The following KCNN2 variants were observed in gnomAD, a reference collection of about 807,000 sequenced individuals.
The protein encoded by KCNN2 is small conductance calcium-activated potassium channel protein 2.
In KCNN2, 24 loss-of-function variants were observed where a neutral mutation model predicts 55.5. The ratio of observed to expected loss-of-function variants is 0.43; its 90% CI spans 0.31 to 0.61. The LOEUF is 0.61. Among genes scored for constraint, KCNN2 ranks in the 20% least tolerant of loss-of-function variants. The pLI is 0.08. For synonymous variants in KCNN2, 431 were observed against 336.1 expected, an observed-to-expected ratio of 1.28 and a Z score of -3.09; for missense variants, 754 against 853.6, an observed-to-expected ratio of 0.88 and a Z score of 1.45.
intron 1 of KCNN2, among the ~76,000 whole-genome samples, chr5:114,195,381 T>G (rs1402924627): frequency 6.6e-6 from 1 of 152,034 alleles, no homozygotes; most frequent in African/African-American, 2.4e-5. Context: ...TATTTGTAGT[T>G]TTAAGGCTGT....
At chr5:114,167,874 G>T (rs1752948875) in intron 1 of KCNN2, among the ~76,000 whole-genome samples, 1 of 152,070 alleles carries the variant, frequency 6.6e-6, no homozygotes, top group Non-Finnish European at 1.5e-5. Context: ...TGTCACTACA[G>T]ATCAATGTGT....
At chr5:114,489,635 T>G (rs747074759) in intron 6 of KCNN2, among the ~76,000 whole-genome samples, 5 of 152,194 alleles carry the variant, frequency 3.3e-5, no homozygotes, top group Admixed American at 6.5e-5. Flanking sequence ...TCTAAAAGTG[T>G]AACTGAGTAC....
At chr5:114,204,743 T>C (rs1753736687) in intron 1 of KCNN2, among the ~76,000 whole-genome samples, 2 of 152,180 alleles carry the variant, frequency 1.3e-5, no homozygotes, top group African/African-American at 2.4e-5. Flanking sequence ...AAAGCCCATG[T>C]GGCTTTGTGG....
chr5:114,438,525 A>G (rs1760093470), intron 3 of KCNN2, among the ~76,000 whole-genome samples: 1 of 152,218 alleles, frequency 6.6e-6, no homozygotes. Context: ...CCTCACTTAA[A>G]ATAATTTATC....
chr5:114,080,681 C>T (rs1750794798), intron 1 of KCNN2, among the ~76,000 whole-genome samples: 1 of 152,116 alleles, frequency 6.6e-6, no homozygotes, highest in African/African-American at 2.4e-5. Flanking sequence ...TAGGAACTAT[C>T]TCAACATAAT....
intron 1 of KCNN2, among the ~76,000 whole-genome samples, chr5:114,163,784 G>A (rs1752848772): frequency 6.6e-6 from 1 of 152,178 alleles, no homozygotes; most frequent in Non-Finnish European, 1.5e-5. Context: ...AAGGTCAAAT[G>A]TGAAGAGGCA....
In KCNN2 at chr5:114,466,005, A is replaced by T. The variant is rs544561558; in HGVS notation, c.1779+2815A>T. Reference sequence around the variant, plus strand: ...CATCAGCTCCTTAGGGATCAAGAGCATATGGATGAAAGTGACCTAGACACT... The same window carrying T: ...CATCAGCTCCTTAGGGATCAAGAGCTTATGGATGAAAGTGACCTAGACACT... On this transcript the variant is annotated intron_variant, in intron 4 of 7. Coordinates refer to ENST00000673685, the MANE Select transcript of KCNN2 (RefSeq NM_021614.4). Among the ~76,000 whole-genome samples, 4 of 152,326 alleles carry T rather than the reference A, an allele frequency of 2.6e-5. No homozygotes were observed. The South Asian group carries it at 8.3e-4, about 32-fold the overall frequency.
intron 6 of KCNN2, 40 bp from the exon 7 acceptor site, chr5:114,493,363 G>C: frequency 7.9e-7 from 1 of 1,262,050 alleles, no homozygotes; most frequent in Non-Finnish European, 1.2e-6. Context: ...ATTGCCATAG[G>C]AAGAAGGGAA....
At chr5:114,483,487 G>A (rs964366308) in intron 5 of KCNN2, among the ~76,000 whole-genome samples, 2 of 151,776 alleles carry the variant, frequency 1.3e-5, no homozygotes, top group South Asian at 2.1e-4. Flanking sequence ...TGTTGGCCAC[G>A]CTGGTCAAAA....
intron 2 of KCNN2, among the ~76,000 whole-genome samples, chr5:114,396,241 T>C (rs954027852): frequency 8.5e-5 from 13 of 152,168 alleles, no homozygotes; most frequent in Non-Finnish European, 1.8e-4. Context: ...GTTGTTTAGA[T>C]GGTAGTCAGT....
chr5:114,435,793 A>G (rs1227941692), intron 3 of KCNN2, among the ~76,000 whole-genome samples: 2 of 152,196 alleles, frequency 1.3e-5, no homozygotes, highest in Non-Finnish European at 2.9e-5. Flanking sequence ...TTTTAATTTT[A>G]TGTTTTTACA....
chr5:114,121,746 G>A (rs1378943828), intron 1 of KCNN2, among the ~76,000 whole-genome samples: 2 of 152,154 alleles, frequency 1.3e-5, no homozygotes, highest in African/African-American at 4.8e-5. Flanking sequence ...GATCGATGTG[G>A]TGACATCATA....
At chr5:114,373,662 T>TATATATATATATATATATATATATATA (rs1757842046) in intron 2 of KCNN2, among the ~76,000 whole-genome samples, 1 of 51,000 alleles carries the variant, frequency 2.0e-5, no homozygotes, top group Non-Finnish European at 4.3e-5. Flanking sequence ...ATATATAAAA[T>TATATATATATATATATATATATATATA]TACTTGGAAC....
intron 1 of KCNN2, among the ~76,000 whole-genome samples, chr5:114,153,485 C>T (rs1053740068): frequency 6.6e-6 from 1 of 151,928 alleles, no homozygotes. Flanking sequence ...CCTCCCTGGT[C>T]AGAGACAAAA....
rs528523761 is a variant in KCNN2 at position 114,229,018 on chromosome 5, C to G, written c.-185+7453C>G. 5.3e-3 allele frequency among the ~76,000 whole-genome samples: 808 copies of G among 151,870 alleles called. 8 individuals carry two copies. The highest frequency in any genetic ancestry group is 0.019 in the African/African-American group (769 of 41,504). ...TTCAAAGAGAAATTAACTTAATTTG[C>G]TTATTTAAATAATTGTGTTGATTAA... On this transcript the variant is annotated intron_variant, in intron 2 of 10. Transcript: ENST00000512097.
chr5:114,343,414 T>C (rs10478166), intron 2 of KCNN2, among the ~76,000 whole-genome samples: 6,278 of 152,250 alleles, frequency 0.041, 388 homozygotes, highest in African/African-American at 0.14. Flanking sequence ...TAGAAATGAA[T>C]GAAAGGTAGC....
upstream of KCNN2, among the ~76,000 whole-genome samples, chr5:114,360,439 T>TAG (rs1757383130): frequency 6.6e-6 from 1 of 152,196 alleles, no homozygotes; most frequent in South Asian, 2.1e-4. Context: ...CTCTAATTGC[T>TAG]AGGTCTAACT....
intron 2 of KCNN2, among the ~76,000 whole-genome samples, chr5:114,263,822 G>A (rs1203055908): frequency 6.6e-6 from 1 of 152,078 alleles, no homozygotes; most frequent in African/African-American, 2.4e-5. Context: ...CTCTCATAAG[G>A]GAGTTTGAAA....
chr5:114,154,766 C>A (rs1752596116), intron 1 of KCNN2, among the ~76,000 whole-genome samples: 1 of 152,110 alleles, frequency 6.6e-6, no homozygotes, highest in African/African-American at 2.4e-5. Flanking sequence ...TAGACCACCC[C>A]TCCTTCTGAT....
Sources: gnomAD v4.1 joint callset for allele counts (sites outside exome capture counted in the v4.1 genomes callset) on GRCh38, gnomAD v4.1.1 for gene constraint, MANE v1.5 for transcripts, NCBI Gene and HGNC (gene_info 2026-07-23, HGNC 2026-07-21) for gene names.